Variants in PTPRC observed in about 807,000 individuals in gnomAD.
PTPRC encodes protein tyrosine phosphatase receptor type C.
A neutral mutation model predicts 155.9 loss-of-function variants in PTPRC; 44 were observed. The observed-to-expected ratio is 0.28, with a 90% CI of 0.22 to 0.36. The LOEUF (loss-of-function observed/expected upper bound fraction) is 0.36, where lower values mean the gene tolerates loss of function less well. Among genes scored for constraint, PTPRC ranks in the 10% least tolerant of loss-of-function variants. PTPRC has a pLI of 1.00. For missense variants in PTPRC, 1,401 were observed against 1,564.6 expected (o/e 0.90, Z 1.76); for synonymous variants, 525 against 533.1 (o/e 0.98, Z 0.21).
At chr1:198,649,835 TAAC>T (rs1213034715) in intron 2 of PTPRC, among the ~76,000 whole-genome samples, 1 of 151,810 alleles carries the variant, frequency 6.6e-6, no homozygotes, top group African/African-American at 2.4e-5. Flanking sequence ...TGGTGAGAGA[TAAC>T]AAGAAAACAA....
chr1:198,706,945 G>A lies in PTPRC; in HGVS notation c.897G>A (p.Val299=), dbSNP rs1373987361. The change falls in exon 9 of 33, where the codon GTG becomes GTA. Residue 299 remains valine (V), a synonymous_variant. Transcript: ENST00000442510. ...TAPDKTLILD[V]PPGVEKFQLH... ...CTGATAAGACATTAATATTAGATGT[G>A]CCACCAGGTAAATATCAATTTATTT... 1.9e-6 allele frequency: 3 copies of A among 1,589,932 alleles called. No homozygotes were observed. Among genetic ancestry groups the A allele is most frequent in the South Asian group, 2.2e-5 (2 of 90,424 alleles).
At chr1:198,657,720 T>G (rs1282289088) in intron 2 of PTPRC, 1 of 152,178 alleles carries the variant, frequency 6.6e-6, no homozygotes, top group African/African-American at 2.4e-5. Flanking sequence ...CTAAATATTC[T>G]TCTCAGGATT....
intron 8 of PTPRC, among the ~76,000 whole-genome samples, chr1:198,704,894 T>G (rs772803981): frequency 1.3e-5 from 2 of 152,120 alleles, no homozygotes; most frequent in African/African-American, 2.4e-5. Context: ...GTTAGACAAC[T>G]TTGGTAAAGC....
In PTPRC at chr1:198,741,969, G is replaced by C. The variant is rs1248023009; in HGVS notation, c.2504G>C (p.Arg835Thr). The change falls in exon 24 of 33, where the codon AGA (arginine) becomes ACA (threonine). Residue 835 changes from arginine to threonine, a missense_variant. By Grantham distance (71) the Arg-to-Thr change is moderately conservative. Transcript: ENST00000442510. The part of the protein sequence containing the change: ...PEDPHLLLKL[R>T]RRVNAFSNFF... ...GATCCTCACTTGCTCCTCAAACTGA[G>C]AAGGAGAGTGAATGCCTTCAGCAAT... 4.3e-6 allele frequency: 7 copies of C among 1,611,812 alleles called. No individual in the cohort carries two copies. The East Asian group carries it at 1.6e-4, about 36-fold the overall frequency.
In PTPRC at chr1:198,756,182, G is replaced by A; in HGVS notation, c.*1G>A. 6.2e-7 allele frequency: 1 copy of A among 1,612,850 alleles called. No homozygotes were observed. Among genetic ancestry groups the A allele is most frequent in the Non-Finnish European group, 8.5e-7 (1 of 1,179,394 alleles). ...TCCAGCTTTAAATCAAGGTTCATAG[G>A]AAAAGACATAAATGAGGAAACTCCA... is the stretch of plus-strand genomic sequence containing the variant. On this transcript the variant is annotated 3_prime_UTR_variant, in exon 33 of 33. Coordinates refer to ENST00000442510, the MANE Select transcript of PTPRC (RefSeq NM_002838.5).
intron 2 of PTPRC, among the ~76,000 whole-genome samples, chr1:198,690,323 T>C (rs1423658901): frequency 2.0e-5 from 3 of 151,986 alleles, no homozygotes; most frequent in Non-Finnish European, 4.4e-5. Context: ...AGACTGTAAT[T>C]TACAAGGAAA....
intron 17 of PTPRC, 66 bp downstream of exon 17, chr1:198,729,237 A>G: frequency 1.4e-6 from 2 of 1,435,122 alleles, no homozygotes; most frequent in Non-Finnish European, 1.9e-6. Flanking sequence ...CATTTTATTT[A>G]TTTATTTATT....
intron 25 of PTPRC, among the ~76,000 whole-genome samples, chr1:198,743,174 T>C (rs774066637): frequency 1.3e-5 from 2 of 150,864 alleles, no homozygotes; most frequent in Non-Finnish European, 3.0e-5. Context: ...ACATGTGAAC[T>C]CTCTGTACAA....
intron 32 of PTPRC, 92 bp from the exon 33 acceptor site, chr1:198,755,814 A>G: frequency 8.2e-6 from 11 of 1,344,736 alleles, no homozygotes; most frequent in South Asian, 6.0e-5. Flanking sequence ...TACTTCCACA[A>G]ATAAATCATT....
rs749759725 is a variant in PTPRC at position 198,713,088 on chromosome 1, T to C, written c.1291+16T>C. The C allele has an allele frequency of 2.5e-6, 4 of 1,613,090 alleles. No individual in the cohort carries two copies. The African/African-American group carries it at 5.3e-5, about 22-fold the overall frequency. On this transcript the variant is annotated intron_variant, in intron 12 of 32. Transcript: ENST00000442510. ...AAAGAGACAGGTAATTTGTGTAGAA[T>C]TTAATTTCATCAGAAAAGAGAAATC...
intron 20 of PTPRC, among the ~76,000 whole-genome samples, chr1:198,733,479 T>G (rs753577901): frequency 9.9e-5 from 15 of 151,856 alleles, no homozygotes; most frequent in Non-Finnish European, 1.5e-4. Flanking sequence ...AAATTAATGT[T>G]GAATTCTTGT....
In PTPRC at chr1:198,731,761, G is replaced by A; in HGVS notation, c.1974+35G>A. The stretch of plus-strand genomic sequence containing the variant: ...GCTTTTGTTATATGATGATAAATTC[G>A]ACATCAAGACAGTTCCACTTTAAGT... On this transcript the variant is annotated intron_variant, in intron 18 of 32. Coordinates refer to ENST00000442510, the MANE Select transcript of PTPRC (RefSeq NM_002838.5). 4 of 1,456,140 alleles carry A rather than the reference G, an allele frequency of 2.7e-6. No homozygotes were observed. The South Asian group carries it at 3.4e-5, about 12-fold the overall frequency. The allele number at this position is 1,456,140 out of a possible 1,614,324, so 90.2% of individuals were successfully genotyped here.
chr1:198,698,986 A>G (rs758241262), intron 4 of PTPRC, among the ~76,000 whole-genome samples: 4 of 152,308 alleles, frequency 2.6e-5, no homozygotes, highest in African/African-American at 2.4e-5. Context: ...TTGTTTCCAC[A>G]TGTTTTCAAA....
At chr1:198,702,197 A>G (rs553764078) in intron 5 of PTPRC, among the ~76,000 whole-genome samples, 190 bp from the exon 6 acceptor site, 1 of 152,186 alleles carries the variant, frequency 6.6e-6, no homozygotes, top group Non-Finnish European at 1.5e-5. Context: ...CTGCCCCTAA[A>G]TGCATCTTTC....
At chr1:198,755,162 C>T (rs776888310) in intron 32 of PTPRC, among the ~76,000 whole-genome samples, 27 of 152,078 alleles carry the variant, frequency 1.8e-4, no homozygotes, top group Non-Finnish European at 3.5e-4. Flanking sequence ...ATAGACTCCA[C>T]TTCTTGAGAG....
chr1:198,710,739 C>G (rs1653254974), intron 11 of PTPRC, among the ~76,000 whole-genome samples: 1 of 152,158 alleles, frequency 6.6e-6, no homozygotes, highest in Non-Finnish European at 1.5e-5. Flanking sequence ...TACTAATGTA[C>G]AAAAGTACAA....
Position 198,744,164 on chromosome 1 carries a change from T to C in PTPRC, c.2808T>C (p.Asp936=). The C allele has an allele frequency of 6.2e-7, 1 of 1,607,052 alleles. No individual in the cohort carries two copies. Among genetic ancestry groups the C allele is most frequent in the Non-Finnish European group, 8.5e-7 (1 of 1,174,610 alleles). The stretch of plus-strand genomic sequence containing the variant: ...ATCTACATAACATGAAGAAAAGGGA[T>C]CCACCCAGTGAGCCGTCTCCACTAG... ...HPYLHNMKKR[D]PPSEPSPLEA... Residue 936 remains aspartate (D), a synonymous_variant, in exon 26 of 33, where the codon GAT becomes GAC. Coordinates refer to ENST00000442510, the MANE Select transcript of PTPRC (RefSeq NM_002838.5).
At chr1:198,640,498 G>A (rs1662517298) in intron 2 of PTPRC, among the ~76,000 whole-genome samples, 1 of 151,746 alleles carries the variant, frequency 6.6e-6, no homozygotes, top group Non-Finnish European at 1.5e-5. Flanking sequence ...TTGTTGTTGT[G>A]GCTGTTTTGC....
chr1:198,693,902 G>A (rs549941399), intron 3 of PTPRC: 60 of 1,256,084 alleles, frequency 4.8e-5, no homozygotes, highest in Middle Eastern at 2.9e-4. Context: ...TCAAAATAGC[G>A]TGGTACTATG....
Sources: allele counts gnomAD v4.1 joint callset (sites outside exome capture counted in the v4.1 genomes callset), GRCh38; gene constraint gnomAD v4.1.1; transcripts MANE v1.5; gene names NCBI Gene and HGNC (gene_info 2026-07-23, HGNC 2026-07-21).